Variants in ATG10 observed in about 807,000 individuals in gnomAD.
The protein encoded by ATG10 is ubiquitin-like-conjugating enzyme ATG10.
A neutral mutation model predicts 32.1 loss-of-function variants in ATG10; 30 were observed. The observed-to-expected ratio is 0.94, with a 90% CI of 0.70 to 1.27. ATG10 has a LOEUF of 1.27. Ranked by LOEUF, ATG10 falls within the 50% of genes most tolerant of loss-of-function variation. ATG10 has a pLI of 0.00. For missense variants in ATG10, 233 were observed against 262.3 expected, an observed-to-expected ratio of 0.89 and a Z score of 0.77; for synonymous variants, 87 against 91.5, an observed-to-expected ratio of 0.95 and a Z score of 0.28.
chr5:81,998,806 T>C (rs1018841545), intron 2 of ATG10, among the ~76,000 whole-genome samples: 6 of 152,088 alleles, frequency 3.9e-5, no homozygotes, highest in African/African-American at 1.4e-4. Context: ...TATTACATAA[T>C]GGTAAAGGGC....
chr5:82,047,163 G>A (rs1763258659), intron 2 of ATG10, among the ~76,000 whole-genome samples: 1 of 152,084 alleles, frequency 6.6e-6, no homozygotes, highest in Non-Finnish European at 1.5e-5. Context: ...CCTCCGATCA[G>A]TTATAATATC....
chr5:82,098,308 G>GTTTTTT (rs35693758), intron 3 of ATG10, among the ~76,000 whole-genome samples: 5 of 115,604 alleles, frequency 4.3e-5, no homozygotes, highest in Non-Finnish European at 9.1e-5. Flanking sequence ...TTGTTGTTGG[G>GTTTTTT]TTTTTTTTTT....
intron 5 of ATG10, among the ~76,000 whole-genome samples, chr5:82,228,023 T>C (rs1260663245): frequency 1.3e-5 from 2 of 151,910 alleles, no homozygotes; most frequent in Non-Finnish European, 2.9e-5. Flanking sequence ...CTGGGCAATA[T>C]AGAGAAACCC....
At chr5:81,982,756 G>T (rs1761093038) in intron 1 of ATG10, among the ~76,000 whole-genome samples, 1 of 152,114 alleles carries the variant, frequency 6.6e-6, no homozygotes, top group African/African-American at 2.4e-5. Context: ...TTAGGGAGTG[G>T]TGATGACTCT....
intron 2 of ATG10, among the ~76,000 whole-genome samples, chr5:82,036,986 C>T (rs1429939633): frequency 6.6e-6 from 1 of 151,034 alleles, no homozygotes; most frequent in African/African-American, 2.4e-5. Context: ...CAAAAATTAG[C>T]TGGGCGTGGT....
chr5:82,168,860 T>C (rs971816066), intron 4 of ATG10, among the ~76,000 whole-genome samples: 2 of 152,156 alleles, frequency 1.3e-5, no homozygotes, highest in Non-Finnish European at 2.9e-5. Flanking sequence ...GAGGACATCT[T>C]TGGAGTGCAT....
At chr5:82,012,685 C>T (rs1467027151) in intron 2 of ATG10, among the ~76,000 whole-genome samples, 5 of 152,030 alleles carry the variant, frequency 3.3e-5, no homozygotes, top group African/African-American at 1.2e-4. Context: ...GAGACAGGGT[C>T]TCACTGTGTC....
At chr5:82,217,185 T>C (rs1745722796) in intron 5 of ATG10, among the ~76,000 whole-genome samples, 1 of 151,956 alleles carries the variant, frequency 6.6e-6, no homozygotes, top group Non-Finnish European at 1.5e-5. Flanking sequence ...AGATCATGAG[T>C]TTTGCAATCA....
At chr5:82,147,356 G>A (rs1231807024) in intron 3 of ATG10, 2 of 158,466 alleles carry the variant, frequency 1.3e-5, no homozygotes, top group African/African-American at 4.8e-5. Context: ...TTTTAGTAGA[G>A]ATAAGGTTTC....
intron 2 of ATG10, among the ~76,000 whole-genome samples, chr5:82,019,637 C>G (rs971332807): frequency 3.9e-5 from 6 of 152,174 alleles, no homozygotes; most frequent in Admixed American, 2.6e-4. Context: ...AAAAACCACT[C>G]TCTCCTCTCC....
intron 5 of ATG10, among the ~76,000 whole-genome samples, chr5:82,183,671 ATTAG>A (rs1744338732): frequency 6.6e-6 from 1 of 152,086 alleles, no homozygotes; most frequent in African/African-American, 2.4e-5. Context: ...TTCATTATTT[ATTAG>A]TTGGACTACT....
chr5:82,061,899 A>AGCTCACTG (rs1185368924), intron 3 of ATG10, among the ~76,000 whole-genome samples: 1 of 131,546 alleles, frequency 7.6e-6, no homozygotes, highest in Non-Finnish European at 1.5e-5. Flanking sequence ...AGTCAGTCAT[A>AGCTCACTG]GCTCACTGAA....
chr5:82,016,267 A>G (rs1307773197), intron 2 of ATG10, among the ~76,000 whole-genome samples: 1 of 152,148 alleles, frequency 6.6e-6, no homozygotes, highest in East Asian at 1.9e-4. Context: ...AAGGTGAGAG[A>G]GAGGCGAGGA....
intron 5 of ATG10, among the ~76,000 whole-genome samples, chr5:82,219,796 TATTA>T (rs1217357911): frequency 6.6e-6 from 1 of 152,248 alleles, no homozygotes; most frequent in East Asian, 1.9e-4. Flanking sequence ...CTTATGGACT[TATTA>T]GAATCTGAGA....
At chr5:82,115,476 T>C (rs139691686) in intron 3 of ATG10, among the ~76,000 whole-genome samples, 1 of 152,154 alleles carries the variant, frequency 6.6e-6, no homozygotes, top group East Asian at 1.9e-4. Flanking sequence ...TTGTATGTGA[T>C]TGAAAGTTTT....
At chr5:82,079,458 C>T (rs113219319) in intron 3 of ATG10, among the ~76,000 whole-genome samples, 33,313 of 151,484 alleles carry the variant, frequency 0.22, 3,844 homozygotes, top group South Asian at 0.29. Flanking sequence ...TGTTGGTGTG[C>T]TGCACCCATT....
rs561642517 is a variant in ATG10, at chr5:82,127,444, A to G, written c.217-36955A>G. Among the ~76,000 whole-genome samples, 62 of 152,140 alleles carry G rather than the reference A, an allele frequency of 4.1e-4. No homozygotes were observed. The Middle Eastern group carries it at 0.014, about 33-fold the overall frequency. On this transcript the variant is annotated intron_variant, in intron 3 of 7. Transcript: ENST00000282185. ...TAGTGCTGTAAATTTTCCTCTAAGC[A>G]CTGCTTTAGTTGTGTCCCAGAGATT... is the stretch of plus-strand genomic sequence containing the variant.
At chr5:82,005,777 T>C (rs1268131708) in intron 2 of ATG10, among the ~76,000 whole-genome samples, 1 of 152,202 alleles carries the variant, frequency 6.6e-6, no homozygotes, top group East Asian at 1.9e-4. Context: ...CACTTTTGTA[T>C]AGCAGAAACA....
chr5:82,127,658 GTTTCT>G (rs1345574526), intron 3 of ATG10, among the ~76,000 whole-genome samples: 6 of 151,134 alleles, frequency 4.0e-5, no homozygotes, highest in Non-Finnish European at 8.9e-5. Flanking sequence ...GACTGTTATG[GTTTCT>G]TTTCTTTTGC....
Sources: allele counts gnomAD v4.1 joint callset (sites outside exome capture counted in the v4.1 genomes callset), GRCh38; gene constraint gnomAD v4.1.1; transcripts MANE v1.5; gene names NCBI Gene and HGNC (gene_info 2026-07-23, HGNC 2026-07-21).